MALSU1: variants seen among roughly 807,000 people sequenced by gnomAD.
MALSU1 encodes the protein mitochondrial assembly of ribosomal large subunit protein 1.
MALSU1 carries 22 observed loss-of-function variants against 22.1 expected under a neutral mutation model. The ratio of observed to expected loss-of-function variants is 1.00; its 90% CI spans 0.71 to 1.42. MALSU1 has a LOEUF of 1.42. MALSU1 is among the 40% of genes most tolerant of loss of function. The pLI is 0.00. For synonymous variants in MALSU1, 153 were observed against 118.5 expected (o/e 1.29, Z -1.89); for missense variants, 379 against 308.3 (o/e 1.23, Z -1.72).
In MALSU1 at chr7:23,309,265, T is replaced by C. The variant is rs76432102; in HGVS notation, c.518-91T>C. 10,136 of 1,212,408 alleles carry C rather than the reference T, an allele frequency of 8.4e-3. 307 individuals are homozygous for C. In the African/African-American group the frequency reaches 0.093, roughly 11 times the overall value. 75.1% of individuals were successfully genotyped at this position (1,212,408 alleles called of 1,614,324 possible). On this transcript the variant is annotated intron_variant, in intron 3 of 3. Coordinates refer to ENST00000466681, the MANE Select transcript of MALSU1 (RefSeq NM_138446.2). ...GGAACCACACTTGAGAACCACTGCT[T>C]TATTCCTAGAGTTAGCCAGTGTGTG...
chr7:23,305,808 T>C (rs1057133585), intron 2 of MALSU1, among the ~76,000 whole-genome samples: 1 of 152,240 alleles, frequency 6.6e-6, no homozygotes, highest in Admixed American at 6.5e-5. Context: ...CATCCATGAA[T>C]ATGAAGTATC....
chr7:23,311,725 A>G lies in MALSU1; in HGVS notation c.*2182A>G, dbSNP rs1478453872. 1 of 141,444 alleles carries G rather than the reference A, an allele frequency of 7.1e-6. No homozygotes were observed. Among genetic ancestry groups the G allele is most frequent in the Non-Finnish European group, 1.6e-5 (1 of 60,732 alleles). 8.8% of individuals were successfully genotyped at this position (141,444 alleles called of 1,614,324 possible). A position where few individuals can be genotyped will look rare whatever the true frequency, so the allele number is the denominator to read the frequency against. On this transcript the variant is annotated 3_prime_UTR_variant, in exon 4 of 4. Coordinates refer to ENST00000466681, the MANE Select transcript of MALSU1 (RefSeq NM_138446.2). ...TTTTTTAAAAAACGGTTGGACTTCT[A>G]TCATTATAAAGTATATAAAATTTTC...
Position 23,306,692 on chromosome 7 carries a change from A to G in MALSU1, c.436-1176A>G, listed in dbSNP as rs574497525. Among the ~76,000 whole-genome samples, 26 of 152,264 alleles carry G rather than the reference A, an allele frequency of 1.7e-4. 1 individual carries two copies. Among genetic ancestry groups the G allele is most frequent in the African/African-American group, 5.5e-4 (23 of 41,562 alleles). On this transcript the variant is annotated intron_variant, in intron 2 of 3. Coordinates refer to ENST00000466681, the MANE Select transcript of MALSU1 (RefSeq NM_138446.2). ...TTTTTCTGCGTCAGTTCAGATTATC[A>G]TATAGATTTTTTCTTCATTCTGTTA...
chr7:23,306,760 C>G (rs559904004), intron 2 of MALSU1, among the ~76,000 whole-genome samples: 13 of 152,276 alleles, frequency 8.5e-5, no homozygotes, highest in African/African-American at 3.1e-4. Flanking sequence ...TGTTGAACCA[C>G]CTTGCATTCC....
At chr7:23,308,985 A>G (rs574107957) in intron 3 of MALSU1, among the ~76,000 whole-genome samples, 1 of 152,358 alleles carries the variant, frequency 6.6e-6, no homozygotes, top group East Asian at 1.9e-4. Flanking sequence ...TGTTAAGAAT[A>G]TTCACGATAC....
chr7:23,307,510 G>A (rs1284846708), intron 2 of MALSU1, among the ~76,000 whole-genome samples: 1 of 152,170 alleles, frequency 6.6e-6, no homozygotes, highest in Admixed American at 6.6e-5. Context: ...ACAGAAGGTA[G>A]TATCTGCAGC....
At chr7:23,300,581 G>C (rs1268877153) in intron 1 of MALSU1, among the ~76,000 whole-genome samples, 1 of 152,160 alleles carries the variant, frequency 6.6e-6, no homozygotes, top group African/African-American at 2.4e-5. Flanking sequence ...ACTGGTGTCT[G>C]GTTCTACTTG....
intron 2 of MALSU1, among the ~76,000 whole-genome samples, chr7:23,302,524 T>G (rs1783662272): frequency 6.6e-6 from 1 of 151,992 alleles, no homozygotes; most frequent in African/African-American, 2.4e-5. Flanking sequence ...GGGAGAGAAC[T>G]AGGAAAGCAT....
At chr7:23,303,756 C>T (rs1001483215) in intron 2 of MALSU1, among the ~76,000 whole-genome samples, 2 of 149,666 alleles carry the variant, frequency 1.3e-5, no homozygotes, top group African/African-American at 4.9e-5. Flanking sequence ...CTGCAGTGAG[C>T]CAAGATTGTA....
At chr7:23,299,641 C>T (rs1490605817) in intron 1 of MALSU1, 33 bp downstream of exon 1, 3 of 1,540,922 alleles carry the variant, frequency 1.9e-6, no homozygotes, top group Non-Finnish European at 2.6e-6. Context: ...AGGCGACCCT[C>T]TCCGGGCAGT....
chr7:23,303,154 T>C (rs1165636277), intron 2 of MALSU1, among the ~76,000 whole-genome samples: 1 of 152,230 alleles, frequency 6.6e-6, no homozygotes, highest in Non-Finnish European at 1.5e-5. Flanking sequence ...AGAAATTTTT[T>C]CATTTTGCAA....
At chr7:23,308,229 G>T (rs1783749018) in intron 3 of MALSU1, among the ~76,000 whole-genome samples, 1 of 152,190 alleles carries the variant, frequency 6.6e-6, no homozygotes, top group African/African-American at 2.4e-5. Context: ...AGATCAGGAA[G>T]GTGGTGGACA....
chr7:23,301,601 A>G (rs1309128314), intron 2 of MALSU1, among the ~76,000 whole-genome samples: 1 of 152,218 alleles, frequency 6.6e-6, no homozygotes, highest in Non-Finnish European at 1.5e-5. Context: ...AGAAGACAGT[A>G]TAACCAGAGG....
At chr7:23,300,813 TACAA>T (rs764091309) in intron 1 of MALSU1, 22 bp from the exon 2 acceptor site, 17 of 1,602,022 alleles carry the variant, frequency 1.1e-5, no homozygotes, top group East Asian at 2.2e-5. Context: ...GCCATCCTGA[TACAA>T]ACAACTATTT....
At position 23,309,330 on chromosome 7, in the gene MALSU1, T is replaced by C. The variant is rs756682874; in HGVS notation, c.518-26T>C. On this transcript the variant is annotated intron_variant, in intron 3 of 3. Transcript: ENST00000466681. ...TAAAAGCAAATGAACTATTCCTTCA[T>C]TGTATCTCTTATCTGTCCCTGACAG... The C allele has an allele frequency of 3.2e-6, 5 of 1,580,964 alleles. No homozygotes were observed. The Admixed American group carries it at 5.5e-5, about 18-fold the overall frequency.
chr7:23,300,356 TCA>T (rs1216625875), intron 1 of MALSU1, among the ~76,000 whole-genome samples: 2 of 152,200 alleles, frequency 1.3e-5, no homozygotes, highest in East Asian at 3.8e-4. Flanking sequence ...CTCCTAGGCC[TCA>T]GTTTCTTCAT....
Position 23,310,070 on chromosome 7 carries a change from A to G in MALSU1, c.*527A>G, listed in dbSNP as rs1262856103. Reference sequence around the variant, plus strand: ...CTGAACGCTCTAGTTCTTAGTTCATATGCAAGAGTATTATCAAGGTTCACA... The same window carrying G: ...CTGAACGCTCTAGTTCTTAGTTCATGTGCAAGAGTATTATCAAGGTTCACA... On this transcript the variant is annotated 3_prime_UTR_variant, in exon 4 of 4. Coordinates refer to ENST00000466681, the MANE Select transcript of MALSU1 (RefSeq NM_138446.2). 6.6e-6 allele frequency: 1 copy of G among 152,214 alleles called. No homozygotes were observed. The highest frequency in any genetic ancestry group is 2.4e-5 in the African/African-American group (1 of 41,458). 9.4% of individuals were successfully genotyped at this position (152,214 alleles called of 1,614,324 possible). A position where few individuals can be genotyped will look rare whatever the true frequency, so the allele number is the denominator to read the frequency against.
At chr7:23,300,797 T>A (rs761966663) in intron 1 of MALSU1, 42 bp from the exon 2 acceptor site, 1 of 1,563,906 alleles carries the variant, frequency 6.4e-7, no homozygotes, top group East Asian at 2.2e-5. Flanking sequence ...CACGTCTATC[T>A]GCTTGGCCAT....
At chr7:23,308,537 G>T (rs900631603) in intron 3 of MALSU1, among the ~76,000 whole-genome samples, 2 of 152,120 alleles carry the variant, frequency 1.3e-5, no homozygotes, top group African/African-American at 4.8e-5. Context: ...CAGTTTTCAT[G>T]GACACTGGTA....
Sources: allele counts gnomAD v4.1 joint callset (sites outside exome capture counted in the v4.1 genomes callset), GRCh38; gene constraint gnomAD v4.1.1; transcripts MANE v1.5; gene names NCBI Gene and HGNC (gene_info 2026-07-23, HGNC 2026-07-21).